Variants in CGGBP1 observed in about 807,000 individuals in gnomAD.
The protein encoded by CGGBP1 is CGG triplet repeat binding protein 1.
A neutral mutation model predicts 11.4 loss-of-function variants in CGGBP1; 4 were observed. The observed-to-expected ratio is 0.35, with a 90% CI of 0.17 to 0.80. The LOEUF (loss-of-function observed/expected upper bound fraction) is 0.80, where lower values mean the gene tolerates loss of function less well. CGGBP1 is among the 30% of genes least tolerant of loss of function. The pLI, the probability that CGGBP1 is intolerant of heterozygous loss-of-function variation, is 0.52. For synonymous variants in CGGBP1, 76 were observed against 74.1 expected, an observed-to-expected ratio of 1.03 and a Z score of -0.13; for missense variants, 135 against 202.1, an observed-to-expected ratio of 0.67 and a Z score of 2.01.
At chr3:88,133,514 A>AG (rs1706587756) in intron 2 of CGGBP1, among the ~76,000 whole-genome samples, 1 of 152,150 alleles carries the variant, frequency 6.6e-6, no homozygotes, top group Non-Finnish European at 1.5e-5. Context: ...GTATTCATGA[A>AG]GGCTTTCCTG....
rs550909343 is a variant in CGGBP1, at chr3:88,065,994, A to G, written c.-228-7771T>C. Among the ~76,000 whole-genome samples the G allele has an allele frequency of 6.6e-5, 10 of 152,330 alleles. No individual in the cohort carries two copies. The East Asian group carries it at 1.2e-3, about 18-fold the overall frequency. Reference sequence around the variant, plus strand: ...AGCGAGTCACCCACTGTGGCCTCCCATGATGCTAGGATTACAGGCATGAGC... The same window carrying G: ...AGCGAGTCACCCACTGTGGCCTCCCGTGATGCTAGGATTACAGGCATGAGC... On this transcript the variant is annotated intron_variant, in intron 2 of 3. Coordinates refer to the CGGBP1 transcript ENST00000462901.
chr3:88,098,265 C>T (rs1388791839), intron 2 of CGGBP1, among the ~76,000 whole-genome samples: 1 of 152,172 alleles, frequency 6.6e-6, no homozygotes, highest in Admixed American at 6.5e-5. Flanking sequence ...CATACACCCT[C>T]CAAAGACTAA....
chr3:88,086,460 G>GT (rs1339077662), intron 2 of CGGBP1: 41 of 1,324,796 alleles, frequency 3.1e-5, no homozygotes, highest in Non-Finnish European at 3.9e-5. Flanking sequence ...TTGAGAATTT[G>GT]TTTTTGATAA....
At chr3:88,073,050 T>G (rs1707605986) in intron 2 of CGGBP1, among the ~76,000 whole-genome samples, 1 of 152,176 alleles carries the variant, frequency 6.6e-6, no homozygotes, top group Non-Finnish European at 1.5e-5. Context: ...AGATAACTTG[T>G]GAAAAGATGG....
At chr3:88,058,489 C>G (rs1706634938) in intron 1 of CGGBP1, among the ~76,000 whole-genome samples, 4 of 152,152 alleles carry the variant, frequency 2.6e-5, no homozygotes, top group Admixed American at 2.6e-4. Flanking sequence ...CGGGACGTTC[C>G]CGGCGTCTGG....
At chr3:88,134,982 T>G in intron 2 of CGGBP1, 1 of 1,044,630 alleles carries the variant, frequency 9.6e-7, no homozygotes, top group Admixed American at 3.9e-5. Flanking sequence ...CAGGGCACTA[T>G]AGAATCAGGG....
intron 2 of CGGBP1, chr3:88,139,236 C>T: frequency 6.6e-7 from 1 of 1,506,194 alleles, no homozygotes; most frequent in Non-Finnish European, 8.8e-7. Context: ...GCCTAAAGGT[C>T]ATATTAATAC....
At position 88,140,265 on chromosome 3, in the gene CGGBP1, G is replaced by A. The variant is rs750818066; in HGVS notation, c.-229+705C>T. 3 of 1,613,804 alleles carry A rather than the reference G, an allele frequency of 1.9e-6. No homozygotes were observed. The South Asian group carries it at 3.3e-5, about 18-fold the overall frequency. On this transcript the variant is annotated intron_variant, in intron 2 of 3. Coordinates refer to the CGGBP1 transcript ENST00000462901. The stretch of plus-strand genomic sequence containing the variant: ...TCTTCCTCTGCTGTATGAACATGAA[G>A]CTCAACACTATTTAAGTAAAACACC...
intron 2 of CGGBP1, among the ~76,000 whole-genome samples, chr3:88,075,553 T>G (rs1335095534): frequency 1.3e-5 from 2 of 152,256 alleles, no homozygotes; most frequent in Admixed American, 1.3e-4. Context: ...CTTCTGCTGC[T>G]TGCTCTTTTA....
At chr3:88,122,617 G>C (rs904004515) in intron 2 of CGGBP1, among the ~76,000 whole-genome samples, 2 of 152,212 alleles carry the variant, frequency 1.3e-5, no homozygotes, top group Non-Finnish European at 2.9e-5. Context: ...ATTTAGCACA[G>C]TGTAATGTGG....
intron 2 of CGGBP1, among the ~76,000 whole-genome samples, chr3:88,125,639 A>G (rs1385337554): frequency 1.3e-5 from 2 of 152,266 alleles, no homozygotes; most frequent in South Asian, 2.1e-4. Flanking sequence ...CCAGCCTTCT[A>G]CCACGATTTA....
At chr3:88,107,600 A>T (rs1241783690) in intron 2 of CGGBP1, among the ~76,000 whole-genome samples, 2 of 152,076 alleles carry the variant, frequency 1.3e-5, no homozygotes, top group Admixed American at 1.3e-4. Context: ...TTTCCCTTTT[A>T]GAACTATGAT....
At chr3:88,061,600 T>A (rs1241168384), upstream of CGGBP1, among the ~76,000 whole-genome samples, 1 of 152,192 alleles carries the variant, frequency 6.6e-6, no homozygotes, top group African/African-American at 2.4e-5. Flanking sequence ...GAAGTCCTTT[T>A]TTATATTAAA....
intron 1 of CGGBP1, among the ~76,000 whole-genome samples, chr3:88,145,703 T>G (rs1224489123): frequency 2.0e-5 from 3 of 151,958 alleles, no homozygotes; most frequent in African/African-American, 7.3e-5. Context: ...TGAAATAGAG[T>G]CAATCCACTA....
At chr3:88,096,655 C>G (rs1704079674) in intron 2 of CGGBP1, among the ~76,000 whole-genome samples, 2 of 152,034 alleles carry the variant, frequency 1.3e-5, no homozygotes, top group African/African-American at 4.8e-5. Flanking sequence ...TTATCTGGTT[C>G]CATGTATATA....
intron 2 of CGGBP1, among the ~76,000 whole-genome samples, chr3:88,092,486 C>G (rs905344070): frequency 2.0e-4 from 30 of 152,136 alleles, no homozygotes; most frequent in Admixed American, 1.8e-3. Flanking sequence ...GCTGGGTGAG[C>G]TAACTTGCTG....
chr3:88,143,392 T>C (rs1178692678), intron 1 of CGGBP1: 1 of 152,266 alleles, frequency 6.6e-6, no homozygotes, highest in Non-Finnish European at 1.5e-5. Context: ...TAAAATCTTT[T>C]CTTTAAGGTC....
At chr3:88,139,698 A>C in intron 2 of CGGBP1, 1 of 1,585,800 alleles carries the variant, frequency 6.3e-7, no homozygotes, top group Non-Finnish European at 8.6e-7. Flanking sequence ...TGAAAATGTT[A>C]TTGAAAATGG....
Position 88,138,919 on chromosome 3 carries a change from G to A in CGGBP1, c.-229+2051C>T, listed in dbSNP as rs958401685. On this transcript the variant is annotated intron_variant, in intron 2 of 3. Coordinates refer to the CGGBP1 transcript ENST00000462901. ...CGTACTGTTGAAGAGCTTTACAAACGTCCAGATGAAGAATATAATGAAGGC... is the reference window on the plus strand; with the variant it reads ...CGTACTGTTGAAGAGCTTTACAAACATCCAGATGAAGAATATAATGAAGGC... The A allele has an allele frequency of 4.0e-5, 49 of 1,235,178 alleles. No homozygotes were observed. In the Admixed American group the frequency reaches 1.5e-3, roughly 37 times the overall value. 76.5% of individuals were successfully genotyped at this position (1,235,178 alleles called of 1,614,324 possible).
Sources: allele counts gnomAD v4.1 joint callset (sites outside exome capture counted in the v4.1 genomes callset), GRCh38; gene constraint gnomAD v4.1.1; transcripts MANE v1.5; gene names NCBI Gene and HGNC (gene_info 2026-07-23, HGNC 2026-07-21).